The following EDC3 variants were observed in gnomAD, a reference collection of about 807,000 sequenced individuals.
The protein encoded by EDC3 is enhancer of mRNA decapping 3, also known as enhancer of mRNA-decapping protein 3.
EDC3 carries 20 observed loss-of-function variants against 41.8 expected under a neutral mutation model. That is an observed-to-expected ratio of 0.48 (90% CI 0.34 to 0.70). The LOEUF is 0.70. Among genes scored for constraint, EDC3 ranks in the 30% least tolerant of loss-of-function variants. EDC3 has a pLI of 0.01. For missense variants in EDC3, 444 were observed against 636.8 expected, an observed-to-expected ratio of 0.70 and a Z score of 3.26; for synonymous variants, 206 against 243.2, an observed-to-expected ratio of 0.85 and a Z score of 1.42.
chr15:74,653,187 CAA>C (rs57778832), intron 4 of EDC3, among the ~76,000 whole-genome samples: 18 of 99,546 alleles, frequency 1.8e-4, no homozygotes, highest in Admixed American at 6.5e-4. Context: ...ACTCTGTCTC[CAA>C]AAAAAAAAAA....
chr15:74,657,361 G>C (rs531467585), intron 3 of EDC3, among the ~76,000 whole-genome samples: 1 of 152,234 alleles, frequency 6.6e-6, no homozygotes, highest in East Asian at 1.9e-4. Flanking sequence ...TCCCACAATG[G>C]GTAGAACACA....
chr15:74,647,226 T>C (rs1411580648), intron 4 of EDC3, among the ~76,000 whole-genome samples: 1 of 152,126 alleles, frequency 6.6e-6, no homozygotes, highest in Non-Finnish European at 1.5e-5. Flanking sequence ...GTCAGGCTGG[T>C]CTCAAACTCC....
rs1182850401 is a variant in EDC3, at chr15:74,671,319, T to C, written c.484+136A>G. 5.0e-6 allele frequency: 5 copies of C among 996,152 alleles called. No homozygotes were observed. The highest frequency in any genetic ancestry group is 7.4e-6 in the Non-Finnish European group (5 of 676,442). The allele number at this position is 996,152 out of a possible 1,614,324, so 61.7% of individuals were successfully genotyped here. ...AATGAGGCCTGGAGGAAGAGAACCA[T>C]GTTGTATTTCTGTGACGCTCAGCCA... On this transcript the variant is annotated intron_variant, in intron 3 of 6. Coordinates refer to ENST00000315127, the MANE Select transcript of EDC3 (RefSeq NM_025083.5). The surrounding 1 kb of genome is among the most constrained non-coding windows in gnomAD (Gnocchi z 4.6).
intron 3 of EDC3, among the ~76,000 whole-genome samples, chr15:74,663,531 G>A (rs2062644988): frequency 6.6e-6 from 1 of 151,876 alleles, no homozygotes; most frequent in Non-Finnish European, 1.5e-5. Context: ...TTGGATTTCT[G>A]GATTAGGGAT....
intron 4 of EDC3, chr15:74,643,403 T>C (rs890032819): frequency 1.3e-5 from 2 of 152,262 alleles, no homozygotes; most frequent in African/African-American, 4.8e-5. Context: ...AACCAGATCG[T>C]GACAAGCAGA....
At position 74,631,369 on chromosome 15, in the gene EDC3, T is replaced by C. The variant is rs1221086730; in HGVS notation, c.*1243A>G. 8 of 152,386 alleles carry C rather than the reference T, an allele frequency of 5.2e-5. No homozygotes were observed. The highest frequency in any genetic ancestry group is 1.2e-4 in the African/African-American group (5 of 41,580). 9.4% of individuals were successfully genotyped at this position (152,386 alleles called of 1,614,324 possible). A position where few individuals can be genotyped will look rare whatever the true frequency, so the allele number is the denominator to read the frequency against. On this transcript the variant is annotated 3_prime_UTR_variant, in exon 7 of 7. Transcript: ENST00000315127. ...GGAATCCCTGCCAGGATTCCAGGCA[T>C]AGATCCTGTTCTACCAGCCTCCAGG...
intron 4 of EDC3, among the ~76,000 whole-genome samples, chr15:74,649,999 C>T (rs1423541717): frequency 6.6e-6 from 1 of 152,178 alleles, no homozygotes; most frequent in Non-Finnish European, 1.5e-5. Flanking sequence ...ACCCTGTTTT[C>T]AATCATCATA....
At chr15:74,653,025 C>T (rs529498183) in intron 4 of EDC3, among the ~76,000 whole-genome samples, 1 of 152,098 alleles carries the variant, frequency 6.6e-6, no homozygotes, top group Admixed American at 6.5e-5. Flanking sequence ...ACTAAACATA[C>T]AAAAATTAGC....
chr15:74,685,534 C>T (rs1409582429), intron 1 of EDC3, among the ~76,000 whole-genome samples: 27 of 152,036 alleles, frequency 1.8e-4, no homozygotes, highest in Non-Finnish European at 5.9e-5. Context: ...TTTAATCAAT[C>T]GATGAATGAA....
chr15:74,651,103 G>A (rs945777431), intron 4 of EDC3, among the ~76,000 whole-genome samples: 1 of 152,152 alleles, frequency 6.6e-6, no homozygotes, highest in Non-Finnish European at 1.5e-5. Context: ...AGTATTCTTT[G>A]GGGAGTTCTC....
rs1752753667 is a variant in EDC3 at position 74,639,603 on chromosome 15, A to G, written c.974+863T>C. ...GTGGCACATGCCTGCAGTCTCAGCT[A>G]CTTCATGAGGCTGAGGTGGGAGAAT... On this transcript the variant is annotated intron_variant, in intron 5 of 6. Coordinates refer to ENST00000315127, the MANE Select transcript of EDC3 (RefSeq NM_025083.5). 2.0e-5 allele frequency: 3 copies of G among 152,058 alleles called. No homozygotes were observed. In the South Asian group the frequency reaches 6.2e-4, roughly 31 times the overall value. 9.4% of individuals were successfully genotyped at this position (152,058 alleles called of 1,614,324 possible).
At chr15:74,650,760 G>C (rs1240013255) in intron 4 of EDC3, among the ~76,000 whole-genome samples, 2 of 152,160 alleles carry the variant, frequency 1.3e-5, no homozygotes, top group Non-Finnish European at 2.9e-5. Flanking sequence ...CACTTTGGAA[G>C]GACAAGGTGG....
chr15:74,678,968 A>G (rs2062838823), intron 1 of EDC3, among the ~76,000 whole-genome samples: 1 of 151,454 alleles, frequency 6.6e-6, no homozygotes, highest in Admixed American at 6.6e-5. Context: ...AGGAGGGTAG[A>G]TCACTTGAGT....
chr15:74,695,109 A>G (rs890442942), intron 1 of EDC3, among the ~76,000 whole-genome samples: 1 of 152,210 alleles, frequency 6.6e-6, no homozygotes, highest in Admixed American at 6.5e-5. Flanking sequence ...GGAAGAGAAG[A>G]AAAACCATTC....
At chr15:74,689,776 G>A (rs181642758) in intron 1 of EDC3, among the ~76,000 whole-genome samples, 3,579 of 152,012 alleles carry the variant, frequency 0.024, 40 homozygotes, top group Non-Finnish European at 0.031. Flanking sequence ...CGCCCGCCTC[G>A]GCCTCCCAAA....
At chr15:74,650,474 T>C (rs992230920) in intron 4 of EDC3, among the ~76,000 whole-genome samples, 1 of 152,180 alleles carries the variant, frequency 6.6e-6, no homozygotes, top group African/African-American at 2.4e-5. Flanking sequence ...GCTTCCATCA[T>C]GAAGCCTTCC....
intron 1 of EDC3, among the ~76,000 whole-genome samples, chr15:74,677,948 T>C (rs1371610966): frequency 6.6e-6 from 1 of 151,906 alleles, no homozygotes; most frequent in Admixed American, 6.6e-5. Context: ...TGAAAAGACA[T>C]GGAGGAAACT....
In EDC3 at chr15:74,632,563, T is replaced by A; in HGVS notation, c.*49A>T. ...AAGCTTCATATCCTTAAGGCGTTTG[T>A]TATCAGGAGCAGCAGGGGACAGCAG... On this transcript the variant is annotated 3_prime_UTR_variant, in exon 7 of 7. Transcript: ENST00000315127. This position sits in a 1 kb window ranked among gnomAD's most constrained non-coding sequence, Gnocchi z 4.0. 1 of 1,585,600 alleles carries A rather than the reference T, an allele frequency of 6.3e-7. No homozygotes were observed. The highest frequency in any genetic ancestry group is 8.6e-7 in the Non-Finnish European group (1 of 1,161,038).
At position 74,635,635 on chromosome 15, in the gene EDC3, G is replaced by C. The variant is rs1404337923; in HGVS notation, c.975-9C>G. On this transcript the variant is annotated splice_polypyrimidine_tract_variant and intron_variant, in intron 5 of 6. Coordinates refer to ENST00000315127, the MANE Select transcript of EDC3 (RefSeq NM_025083.5). ...CATTTTTGGGATTCAACCTGGAAAA[G>C]AAGGTGAAGAAGCAGTATCAGCTAC... 9 of 1,610,908 alleles carry C rather than the reference G, an allele frequency of 5.6e-6. No individual in the cohort carries two copies. Among genetic ancestry groups the C allele is most frequent in the Non-Finnish European group, 7.6e-6 (9 of 1,177,516 alleles).
Sources: gnomAD v4.1 joint callset for allele counts (sites outside exome capture counted in the v4.1 genomes callset) on GRCh38, gnomAD v4.1.1 for gene constraint, Gnocchi (gnomAD v3.1) non-coding constraint, MANE v1.5 for transcripts, NCBI Gene and HGNC (gene_info 2026-07-23, HGNC 2026-07-21) for gene names.